The following CEP89 variants were observed in gnomAD, a reference collection of about 807,000 sequenced individuals.
CEP89 encodes centrosomal protein 89, also known as centrosomal protein of 89 kDa.
In CEP89, 95 loss-of-function variants were observed where a neutral mutation model predicts 97.6. The observed-to-expected ratio is 0.97, with a 90% CI of 0.82 to 1.15. CEP89 has a LOEUF of 1.15. Among genes scored for constraint, CEP89 ranks in the 50% most tolerant of loss-of-function variants. CEP89 has a pLI of 0.00. For synonymous variants in CEP89, 354 were observed against 349.1 expected (o/e 1.01, Z -0.16); for missense variants, 869 against 947.7 (o/e 0.92, Z 1.09).
At chr19:32,926,699 C>T (rs1413353140) in intron 10 of CEP89, among the ~76,000 whole-genome samples, 2 of 152,118 alleles carry the variant, frequency 1.3e-5, no homozygotes, top group African/African-American at 4.8e-5. Flanking sequence ...GTAGCTGGGA[C>T]TATAGGCATG....
intron 14 of CEP89, among the ~76,000 whole-genome samples, chr19:32,913,825 G>A (rs1016596558): frequency 1.4e-4 from 21 of 152,012 alleles, no homozygotes; most frequent in Middle Eastern, 3.4e-3. Context: ...TTTCAGTAGA[G>A]ACAGGGTTTC....
At chr19:32,932,294 G>T (rs868180277) in intron 8 of CEP89, among the ~76,000 whole-genome samples, 1 of 151,344 alleles carries the variant, frequency 6.6e-6, no homozygotes, top group Middle Eastern at 3.4e-3. Flanking sequence ...ACAGAAAATA[G>T]ATCCCACAAG....
chr19:32,923,327 C>T (rs998661436), intron 12 of CEP89, 112 bp downstream of exon 12: 14 of 546,166 alleles, frequency 2.6e-5, no homozygotes, highest in Middle Eastern at 2.8e-4. Flanking sequence ...GAAACTCTCC[C>T]GTAAAATATT....
intron 1 of CEP89, 57 bp from the exon 2 acceptor site, chr19:32,966,523 C>T: frequency 9.5e-7 from 1 of 1,047,232 alleles, no homozygotes; most frequent in Middle Eastern, 2.7e-4. Context: ...TCACCTGAGT[C>T]TTGTCACCAC....
At chr19:32,939,816 T>C in intron 6 of CEP89, 41 bp downstream of exon 6, 1 of 918,552 alleles carries the variant, frequency 1.1e-6, no homozygotes, top group Non-Finnish European at 1.7e-6. Context: ...ATAAAAACTC[T>C]ATTTATTGAG....
At chr19:32,906,191 G>GT (rs1477172205) in intron 14 of CEP89, among the ~76,000 whole-genome samples, 1 of 152,120 alleles carries the variant, frequency 6.6e-6, no homozygotes, top group Non-Finnish European at 1.5e-5. Flanking sequence ...TCCATTTAGC[G>GT]TATCTACTGC....
At chr19:32,958,922 C>G (rs1971106703) in intron 3 of CEP89, among the ~76,000 whole-genome samples, 1 of 151,996 alleles carries the variant, frequency 6.6e-6, no homozygotes, top group Non-Finnish European at 1.5e-5. Flanking sequence ...GAGGCTGAGG[C>G]AGGAGAATGG....
At chr19:32,932,596 T>C (rs4805827) in intron 8 of CEP89, among the ~76,000 whole-genome samples, 53,927 of 151,770 alleles carry the variant, frequency 0.36, 9,796 homozygotes, top group Admixed American at 0.48. Flanking sequence ...ATCTTTCATA[T>C]GTAAGGAGTT....
rs142536730 is a variant in CEP89, at chr19:32,896,888, C to T, written c.1875+2969G>A. ...TAAATAGACATTCCCCAAAAGCAGA[C>T]ATACAAATGGGCAACAGGCATATGA... On this transcript the variant is annotated intron_variant, in intron 16 of 18. Transcript: ENST00000305768. Among the ~76,000 whole-genome samples the T allele has an allele frequency of 1.4e-3, 212 of 151,808 alleles. 1 individual carries two copies. The highest frequency in any genetic ancestry group is 3.9e-3 in the African/African-American group (162 of 41,400).
In CEP89 at chr19:32,882,487, TAGGAGGCGGAGGCTGCAGTG is replaced by T. The variant is rs548020760; in HGVS notation, c.1966-494_1966-475del. ...CAGAGGTGGGAGGATAACTTGAACC[TAGGAGGCGGAGGCTGCAGTG>T]AGTGTGATCACGCCACTGCACTCTA... On this transcript the variant is annotated intron_variant, in intron 17 of 18. Transcript: ENST00000305768. Among the ~76,000 whole-genome samples, 38 of 150,172 alleles carry T rather than the reference TAGGAGGCGGAGGCTGCAGTG, an allele frequency of 2.5e-4. No homozygotes were observed. In the South Asian group the frequency reaches 7.8e-3, roughly 31 times the overall value.
intron 5 of CEP89, among the ~76,000 whole-genome samples, chr19:32,941,690 G>A (rs548881747): frequency 3.3e-5 from 5 of 152,148 alleles, no homozygotes; most frequent in Admixed American, 2.6e-4. Flanking sequence ...ATCCTGCCCT[G>A]TCCTTCTGAG....
intron 7 of CEP89, among the ~76,000 whole-genome samples, chr19:32,935,187 G>C (rs1970554860): frequency 1.3e-5 from 2 of 152,116 alleles, no homozygotes; most frequent in African/African-American, 4.8e-5. Flanking sequence ...ATCCCGGTGG[G>C]CCTCACATCC....
chr19:32,905,993 CATCTACCTTGTTAGAGATTAAG>C (rs1969879908), intron 14 of CEP89, among the ~76,000 whole-genome samples: 1 of 152,206 alleles, frequency 6.6e-6, no homozygotes, highest in Non-Finnish European at 1.5e-5. Flanking sequence ...TTTACCTTAA[CATCTACCTTGTTAGAGATTAAG>C]ATCTACCATG....
At chr19:32,899,184 G>A (rs1969710772) in intron 16 of CEP89, among the ~76,000 whole-genome samples, 1 of 147,858 alleles carries the variant, frequency 6.8e-6, no homozygotes, top group East Asian at 2.0e-4. Flanking sequence ...AGGCTGCAGT[G>A]CAGTAGTACA....
rs964307501 is a variant in CEP89 at position 32,936,780 on chromosome 19, A to G, written c.667+851T>C. On this transcript the variant is annotated intron_variant, in intron 7 of 18. Transcript: ENST00000305768. The surrounding 1 kb of genome is among the most constrained non-coding windows in gnomAD (Gnocchi z 4.5). ...TGGTCAGAATAACCAGCTGCAGAGA[A>G]GAACAACCCTCTCCAGGGCTTCCTC... 1.3e-5 allele frequency among the ~76,000 whole-genome samples: 2 copies of G among 152,090 alleles called. No homozygotes were observed. Among genetic ancestry groups the G allele is most frequent in the East Asian group, 3.9e-4 (2 of 5,182 alleles).
Position 32,948,632 on chromosome 19 carries a change from C to A in CEP89, c.493-264G>T, listed in dbSNP as rs78124502. 8.7e-3 allele frequency among the ~76,000 whole-genome samples: 1,321 copies of A among 152,296 alleles called. 23 individuals are homozygous for A. Among genetic ancestry groups the A allele is most frequent in the African/African-American group, 0.03 (1,266 of 41,554 alleles). ...TAAGGCCACTGAGAGCTCCACATCC[C>A]AGCCATGTTGCCAGGGCAGCTTCCC... is the stretch of plus-strand genomic sequence containing the variant. On this transcript the variant is annotated intron_variant, in intron 4 of 18. Transcript: ENST00000305768.
At chr19:32,950,542 G>C (rs933704013) in intron 4 of CEP89, among the ~76,000 whole-genome samples, 5 of 152,290 alleles carry the variant, frequency 3.3e-5, no homozygotes, top group Admixed American at 6.5e-5. Flanking sequence ...TGTGCAATAA[G>C]AGTGAAACTC....
At chr19:32,908,481 T>C (rs1969935074) in intron 14 of CEP89, among the ~76,000 whole-genome samples, 1 of 152,074 alleles carries the variant, frequency 6.6e-6, no homozygotes, top group Non-Finnish European at 1.5e-5. Context: ...GGGGCGGTGT[T>C]TGGAGAGAGA....
At chr19:32,922,560 CA>C (rs1568561710) in intron 12 of CEP89, among the ~76,000 whole-genome samples, 1 of 151,202 alleles carries the variant, frequency 6.6e-6, no homozygotes. Flanking sequence ...ACATAAGAAA[CA>C]GAGACGCCAG....
Sources: allele counts gnomAD v4.1 joint callset (sites outside exome capture counted in the v4.1 genomes callset), GRCh38; gene constraint gnomAD v4.1.1; non-coding constraint Gnocchi (gnomAD v3.1); transcripts MANE v1.5; gene names NCBI Gene and HGNC (gene_info 2026-07-23, HGNC 2026-07-21).